The following SNTB1 variants were observed in gnomAD, a reference collection of about 807,000 sequenced individuals.
SNTB1 encodes the protein syntrophin beta 1.
A neutral mutation model predicts 48.9 loss-of-function variants in SNTB1; 36 were observed. The ratio of observed to expected loss-of-function variants is 0.74; its 90% CI spans 0.56 to 0.97. The LOEUF is 0.97. SNTB1 is among the 50% of genes least tolerant of loss of function. The pLI is 0.00. For missense variants in SNTB1, 786 were observed against 703.4 expected (o/e 1.12, Z -1.33); for synonymous variants, 299 against 294.6 (o/e 1.01, Z -0.15).
At chr8:120,641,901 A>G (rs1160659781) in intron 2 of SNTB1, among the ~76,000 whole-genome samples, 4 of 152,176 alleles carry the variant, frequency 2.6e-5, no homozygotes, top group Admixed American at 6.5e-5. Context: ...TTTTGTTGTT[A>G]CCTGAAGTGT....
At chr8:120,666,268 G>A (rs1817672314) in intron 2 of SNTB1, among the ~76,000 whole-genome samples, 1 of 152,182 alleles carries the variant, frequency 6.6e-6, no homozygotes. Flanking sequence ...CAGGTATGCA[G>A]GTGATGCATT....
At chr8:120,784,589 C>T (rs1819890424) in intron 1 of SNTB1, among the ~76,000 whole-genome samples, 1 of 152,140 alleles carries the variant, frequency 6.6e-6, no homozygotes, top group African/African-American at 2.4e-5. Flanking sequence ...TAATCAGATC[C>T]CTTCTCTCTC....
chr8:120,722,741 G>C (rs1449430199), intron 1 of SNTB1, among the ~76,000 whole-genome samples: 1 of 152,138 alleles, frequency 6.6e-6, no homozygotes, highest in East Asian at 1.9e-4. Context: ...GAGCTCTTTA[G>C]TTTAATTAGA....
At chr8:120,807,311 T>TGCCAA (rs1473894176) in intron 1 of SNTB1, among the ~76,000 whole-genome samples, 1 of 152,240 alleles carries the variant, frequency 6.6e-6, no homozygotes, top group Non-Finnish European at 1.5e-5. Context: ...GACCTGGAGC[T>TGCCAA]GCCAAGGACG....
At chr8:120,727,395 A>G (rs749284720) in intron 1 of SNTB1, among the ~76,000 whole-genome samples, 4 of 152,126 alleles carry the variant, frequency 2.6e-5, no homozygotes, top group Admixed American at 6.5e-5. Flanking sequence ...ATGAGAGTCT[A>G]TTTACTTGAG....
chr8:120,648,753 G>T (rs554649790), intron 2 of SNTB1, among the ~76,000 whole-genome samples: 4 of 152,302 alleles, frequency 2.6e-5, no homozygotes, highest in Non-Finnish European at 5.9e-5. Context: ...ATAATATCTT[G>T]CAGAGTGTTT....
intron 3 of SNTB1, among the ~76,000 whole-genome samples, chr8:120,590,815 T>C (rs1012477938): frequency 1.3e-5 from 2 of 151,332 alleles, no homozygotes; most frequent in Non-Finnish European, 2.9e-5. Context: ...GGCTCCCGAG[T>C]AGCTGGTATT....
chr8:120,765,166 A>C (rs1041209520), intron 1 of SNTB1, among the ~76,000 whole-genome samples: 1 of 152,188 alleles, frequency 6.6e-6, no homozygotes, highest in African/African-American at 2.4e-5. Context: ...CGGAGCTTGC[A>C]GTGAGCCAAG....
chr8:120,551,725 CAAAAAAAAAA>C (rs764008790), intron 4 of SNTB1, among the ~76,000 whole-genome samples: 2 of 42,828 alleles, frequency 4.7e-5, no homozygotes, highest in African/African-American at 9.5e-5. Flanking sequence ...GACTCCATCT[CAAAAAAAAAA>C]AAAAAAAAAA....
At chr8:120,539,721 G>C (rs1022413712) in intron 6 of SNTB1, among the ~76,000 whole-genome samples, 2 of 152,150 alleles carry the variant, frequency 1.3e-5, no homozygotes, top group Non-Finnish European at 2.9e-5. Context: ...GCTGTCCCCA[G>C]TTTTGTTCTG....
chr8:120,741,014 G>A (rs1056564886), intron 1 of SNTB1, among the ~76,000 whole-genome samples: 2 of 152,176 alleles, frequency 1.3e-5, no homozygotes, highest in Non-Finnish European at 2.9e-5. Flanking sequence ...CCCACAGCCT[G>A]TGACTTTAAT....
intron 1 of SNTB1, among the ~76,000 whole-genome samples, chr8:120,804,812 C>T (rs915669321): frequency 2.6e-5 from 4 of 152,162 alleles, no homozygotes; most frequent in African/African-American, 9.7e-5. Context: ...CTTAGCCACA[C>T]TGAGCTACAC....
chr8:120,762,234 C>T (rs1404540117), intron 1 of SNTB1, among the ~76,000 whole-genome samples: 1 of 152,152 alleles, frequency 6.6e-6, no homozygotes, highest in Admixed American at 6.5e-5. Flanking sequence ...TGAGACACAC[C>T]AGCATTTTTA....
chr8:120,758,685 T>C (rs1461678472), intron 1 of SNTB1, among the ~76,000 whole-genome samples: 2 of 152,102 alleles, frequency 1.3e-5, no homozygotes, highest in African/African-American at 4.8e-5. Context: ...ACAGTCAGAA[T>C]TGCAATTTGG....
intron 1 of SNTB1, among the ~76,000 whole-genome samples, chr8:120,700,195 G>A (rs1818283775): frequency 1.3e-5 from 2 of 152,040 alleles, no homozygotes; most frequent in Admixed American, 6.6e-5. Context: ...GTGTGTGCGT[G>A]TATTTAAGTC....
At chr8:120,758,476 A>G (rs552588009) in intron 1 of SNTB1, among the ~76,000 whole-genome samples, 1 of 152,284 alleles carries the variant, frequency 6.6e-6, no homozygotes, top group African/African-American at 2.4e-5. Flanking sequence ...GAGAGTCAAT[A>G]TCATGTTCCT....
intron 1 of SNTB1, among the ~76,000 whole-genome samples, chr8:120,746,581 T>A (rs1819129783): frequency 6.6e-6 from 1 of 152,064 alleles, no homozygotes; most frequent in South Asian, 2.1e-4. Flanking sequence ...ACAGAAAAAA[T>A]TTACCTACCC....
At chr8:120,753,490 T>G (rs916748754) in intron 1 of SNTB1, among the ~76,000 whole-genome samples, 3 of 152,158 alleles carry the variant, frequency 2.0e-5, no homozygotes, top group Non-Finnish European at 2.9e-5. Flanking sequence ...ACCTGCCCTA[T>G]TTCTCAATAG....
At chr8:120,635,971 T>C in intron 2 of SNTB1, 1 of 627,750 alleles carries the variant, frequency 1.6e-6, no homozygotes, top group East Asian at 4.4e-5. Flanking sequence ...TGCCCTCTCC[T>C]TTACTTGCTC....
Sources: gnomAD v4.1 joint callset for allele counts (sites outside exome capture counted in the v4.1 genomes callset) on GRCh38, gnomAD v4.1.1 for gene constraint, MANE v1.5 for transcripts, NCBI Gene and HGNC (gene_info 2026-07-23, HGNC 2026-07-21) for gene names.